Variants in ANOS1 observed in about 807,000 individuals in gnomAD.
The protein encoded by ANOS1 is anosmin-1.
A neutral mutation model predicts 59.0 loss-of-function variants in ANOS1; 6 were observed. The observed-to-expected ratio is 0.10, with a 90% CI of 0.06 to 0.20. ANOS1 has a LOEUF of 0.20. ANOS1 is among the 10% of genes least tolerant of loss of function. The probability of loss-of-function intolerance (pLI) is 1.00; values close to 1 mark genes in which losing one functional copy is unlikely to be tolerated. For missense variants in ANOS1, 433 were observed against 542.3 expected (o/e 0.80, Z 2.00); for synonymous variants, 217 against 223.4 (o/e 0.97, Z 0.25).
chrX:8,649,352 G>A (rs750315267), intron 2 of ANOS1, among the ~76,000 whole-genome samples: 5 of 111,622 alleles, frequency 4.5e-5, no homozygotes, highest in Admixed American at 1.9e-4. Flanking sequence ...GTTGACATAC[G>A]TGACTATGTC....
chrX:8,684,169 T>C (rs1351603041), intron 2 of ANOS1, among the ~76,000 whole-genome samples: 1 of 111,329 alleles, frequency 9.0e-6, no homozygotes, highest in Non-Finnish European at 1.9e-5. Flanking sequence ...TAGGGCAACA[T>C]TCAGAAACGT....
At chrX:8,557,286 AC>A (rs1482955763) in intron 8 of ANOS1, among the ~76,000 whole-genome samples, 1 of 112,153 alleles carries the variant, frequency 8.9e-6, no homozygotes, top group Non-Finnish European at 1.9e-5. Context: ...TGACTAAAAC[AC>A]CAAAAGCAAT....
chrX:8,537,690 G>A (rs1601945554), intron 10 of ANOS1, among the ~76,000 whole-genome samples: 1 of 110,388 alleles, frequency 9.1e-6, no homozygotes, highest in Non-Finnish European at 1.9e-5. Flanking sequence ...TGGGAGGATC[G>A]CTTGAACTCA....
chrX:8,696,395 G>A (rs1284190977), intron 2 of ANOS1, among the ~76,000 whole-genome samples: 1 of 112,278 alleles, frequency 8.9e-6, no homozygotes, highest in African/African-American at 3.2e-5. Flanking sequence ...TTAACACAAG[G>A]TGACAATGTG....
At chrX:8,577,700 A>G (rs1930352965) in intron 6 of ANOS1, among the ~76,000 whole-genome samples, 1 of 112,586 alleles carries the variant, frequency 8.9e-6, no homozygotes, top group African/African-American at 3.2e-5. Flanking sequence ...TTCAGGTTTC[A>G]TCACTTAACC....
chrX:8,617,785 A>G (rs939958835), intron 3 of ANOS1, among the ~76,000 whole-genome samples: 1 of 110,257 alleles, frequency 9.1e-6, no homozygotes, highest in African/African-American at 3.3e-5. Flanking sequence ...TGTCTCAAAA[A>G]GAAAAAAAAA....
chrX:8,532,935 G>A lies in ANOS1; in HGVS notation c.*60C>T, dbSNP rs184173877. Reference sequence around the variant, plus strand: ...CTGCCTCTGGAAGTGTGCATGTCTCGTGGCCGAAGTTCAACAAGCTTACAC... The same window carrying A: ...CTGCCTCTGGAAGTGTGCATGTCTCATGGCCGAAGTTCAACAAGCTTACAC... On this transcript the variant is annotated 3_prime_UTR_variant, in exon 14 of 14. Coordinates refer to ENST00000262648, the MANE Select transcript of ANOS1 (RefSeq NM_000216.4). 0.011 allele frequency: 7,844 copies of A among 732,249 alleles called. 41 individuals are homozygous for A. Among genetic ancestry groups the A allele is most frequent in the Non-Finnish European group, 0.014 (6,392 of 462,889 alleles). The allele number at this position is 732,249 out of a possible 1,213,427, so 60.3% of individuals were successfully genotyped here. A position where few individuals can be genotyped will look rare whatever the true frequency, so the allele number is the denominator to read the frequency against.
intron 2 of ANOS1, among the ~76,000 whole-genome samples, chrX:8,631,339 T>C (rs7887099): frequency 0.1 from 11,312 of 111,681 alleles, 797 homozygotes; most frequent in South Asian, 0.26. Flanking sequence ...GATGGGCCTA[T>C]GGCTAAATCT....
At chrX:8,553,827 C>G in intron 9 of ANOS1, 125 bp downstream of exon 9, 1 of 579,607 alleles carries the variant, frequency 1.7e-6, no homozygotes, top group South Asian at 2.6e-5. Flanking sequence ...CTCATTCAGA[C>G]TTGTGTTCAA....
chrX:8,570,907 T>C (rs779669384), intron 6 of ANOS1, among the ~76,000 whole-genome samples: 39 of 106,910 alleles, frequency 3.6e-4, no homozygotes, highest in African/African-American at 1.3e-3. Context: ...AGCTCAGGAG[T>C]TTGAGGACAG....
chrX:8,588,537 C>T (rs772914888), intron 4 of ANOS1, among the ~76,000 whole-genome samples: 1 of 111,803 alleles, frequency 8.9e-6, no homozygotes, highest in Non-Finnish European at 1.9e-5. Context: ...GAGTGATTTC[C>T]AAAGTTCAAG....
At chrX:8,621,170 T>C (rs1931285925) in intron 3 of ANOS1, among the ~76,000 whole-genome samples, 1 of 110,466 alleles carries the variant, frequency 9.1e-6, no homozygotes, top group Non-Finnish European at 1.9e-5. Flanking sequence ...GTTTGAGAGC[T>C]GCCTGGCTAA....
chrX:8,574,863 C>T (rs1930294616), intron 6 of ANOS1, among the ~76,000 whole-genome samples: 1 of 111,423 alleles, frequency 9.0e-6, no homozygotes, highest in African/African-American at 3.3e-5. Flanking sequence ...TTAGTTCTGT[C>T]CCTCTAGAGA....
At chrX:8,596,102 G>A (rs144940437) in intron 4 of ANOS1, among the ~76,000 whole-genome samples, 2,885 of 111,088 alleles carry the variant, frequency 0.026, 112 homozygotes, top group African/African-American at 0.09. Flanking sequence ...CCGATTCTAC[G>A]TGACGGTGAG....
At chrX:8,545,061 C>CAAAA (rs759787339) in intron 9 of ANOS1, among the ~76,000 whole-genome samples, 6 of 20,466 alleles carry the variant, frequency 2.9e-4, no homozygotes, top group East Asian at 1.6e-3. Context: ...AGAGAAACTC[C>CAAAA]AAAAAAAAAA....
chrX:8,536,210 T>TTTTTTTTTTG (rs1929590333), intron 11 of ANOS1, among the ~76,000 whole-genome samples: 1 of 74,833 alleles, frequency 1.3e-5, no homozygotes, highest in Non-Finnish European at 2.4e-5. Context: ...TTTTTTTTTT[T>TTTTTTTTTTG]TTTTTTAAAA....
chrX:8,664,195 T>C (rs947852554), intron 2 of ANOS1, among the ~76,000 whole-genome samples: 1 of 111,384 alleles, frequency 9.0e-6, no homozygotes, highest in African/African-American at 3.3e-5. Flanking sequence ...ATAAACTTTG[T>C]TTGTTTGTTT....
In ANOS1 at chrX:8,731,901, G is replaced by T. The variant is rs960191764; in HGVS notation, c.136C>A (p.Arg46Ser). Residue 46 changes from arginine (R) to serine (S), a missense_variant, in exon 1 of 14, where the codon CGC (arginine) becomes AGC (serine). Physicochemically the swap from Arg to Ser is moderately radical, Grantham distance 110 (BLOSUM62 -1). Coordinates refer to ENST00000262648, the MANE Select transcript of ANOS1 (RefSeq NM_000216.4). Reference sequence around the variant, plus strand: ...AGGCACCTGGAGGCGCAGCGAGCGCGCTGGACGCTCCCGGCAGACAGCGAC... The same window carrying T: ...AGGCACCTGGAGGCGCAGCGAGCGCTCTGGACGCTCCCGGCAGACAGCGAC... ...DESLSAGSVQRARCASRCLSL... is the reference protein window; with the variant it reads ...DESLSAGSVQSARCASRCLSL... 3 of 1,185,170 alleles carry T rather than the reference G, an allele frequency of 2.5e-6. No homozygotes were observed. Among genetic ancestry groups the T allele is most frequent in the Admixed American group, 2.3e-5 (1 of 44,026 alleles).
chrX:8,732,114 G>C lies in ANOS1; in HGVS notation c.-78C>G. ...TGCTCCGCGCCGGGGCTGCACTGCT[G>C]AGGACCAGGCAGACGCCGCGACTGA... On this transcript the variant is annotated 5_prime_UTR_variant, in exon 1 of 14. Transcript: ENST00000262648. 1 of 768,978 alleles carries C rather than the reference G, an allele frequency of 1.3e-6. No individual in the cohort carries two copies. Among genetic ancestry groups the C allele is most frequent in the Non-Finnish European group, 1.6e-6 (1 of 615,456 alleles). The allele number at this position is 768,978 out of a possible 1,213,427, so 63.4% of individuals were successfully genotyped here.
Sources: allele counts gnomAD v4.1 joint callset (sites outside exome capture counted in the v4.1 genomes callset), GRCh38; gene constraint gnomAD v4.1.1; transcripts MANE v1.5; gene names NCBI Gene and HGNC (gene_info 2026-07-23, HGNC 2026-07-21).